NOS1AP: variants seen among roughly 807,000 people sequenced by gnomAD.
NOS1AP encodes the protein carboxyl-terminal PDZ ligand of neuronal nitric oxide synthase protein.
In NOS1AP, 21 loss-of-function variants were observed where a neutral mutation model predicts 56.2. The observed-to-expected ratio is 0.37, with a 90% CI of 0.26 to 0.54. The LOEUF is 0.54. Ranked by LOEUF, NOS1AP falls within the 20% of genes least tolerant of loss-of-function variation. NOS1AP has a pLI of 0.84. For synonymous variants in NOS1AP, 270 were observed against 274.6 expected (o/e 0.98, Z 0.17); for missense variants, 522 against 657.8 (o/e 0.79, Z 2.26).
At chr1:162,082,194 T>G (rs1478660076) in intron 1 of NOS1AP, among the ~76,000 whole-genome samples, 3 of 772 alleles carry the variant, frequency 3.9e-3, no homozygotes, top group Admixed American at 0.071. Context: ...CAGTATTTGT[T>G]TTTTTTTTGT....
chr1:162,084,892 T>G (rs1399367192), intron 1 of NOS1AP, among the ~76,000 whole-genome samples: 1 of 152,114 alleles, frequency 6.6e-6, no homozygotes, highest in African/African-American at 2.4e-5. Flanking sequence ...CTGGAACTCC[T>G]GGGCTCAAGT....
intron 5 of NOS1AP, 23 bp downstream of exon 5, chr1:162,333,148 T>C (rs751446494): frequency 6.6e-7 from 1 of 1,524,010 alleles, no homozygotes; most frequent in Non-Finnish European, 9.1e-7. Context: ...TTGCCGTCCA[T>C]CTGCTATTTT....
At chr1:162,143,019 A>G (rs1649302214) in intron 1 of NOS1AP, among the ~76,000 whole-genome samples, 1 of 152,122 alleles carries the variant, frequency 6.6e-6, no homozygotes, top group Non-Finnish European at 1.5e-5. Context: ...TGCAGACCCC[A>G]CATTCCCAAC....
At chr1:162,341,410 T>C (rs1481219193) in intron 5 of NOS1AP, among the ~76,000 whole-genome samples, 1 of 152,238 alleles carries the variant, frequency 6.6e-6, no homozygotes, top group Non-Finnish European at 1.5e-5. Context: ...TGCAGATATT[T>C]ATTCAGTATG....
intron 1 of NOS1AP, among the ~76,000 whole-genome samples, chr1:162,112,484 A>G (rs1444885212): frequency 6.6e-6 from 1 of 152,180 alleles, no homozygotes; most frequent in Non-Finnish European, 1.5e-5. Flanking sequence ...TTATCTCTAA[A>G]CAAGTTGAAG....
chr1:162,347,325 A>G (rs1657330730), intron 6 of NOS1AP, among the ~76,000 whole-genome samples: 1 of 152,230 alleles, frequency 6.6e-6, no homozygotes, highest in Admixed American at 6.5e-5. Context: ...CAGTATACAC[A>G]TGTACAAAGA....
At chr1:162,332,954 T>C in intron 4 of NOS1AP, 63 bp from the exon 5 acceptor site, 2 of 1,147,090 alleles carry the variant, frequency 1.7e-6, no homozygotes, top group Non-Finnish European at 2.7e-6. Flanking sequence ...AACAGAGCTT[T>C]CCTGGTTGGA....
intron 1 of NOS1AP, among the ~76,000 whole-genome samples, chr1:162,154,118 G>A (rs1388554820): frequency 6.6e-6 from 1 of 152,156 alleles, no homozygotes; most frequent in Non-Finnish European, 1.5e-5. Flanking sequence ...AGTAGTGGTG[G>A]AAGAGTCTTC....
At chr1:162,252,423 C>G (rs1319387953) in intron 2 of NOS1AP, among the ~76,000 whole-genome samples, 1 of 152,214 alleles carries the variant, frequency 6.6e-6, no homozygotes, top group South Asian at 2.1e-4. Flanking sequence ...CTTGGGCATG[C>G]ACAGTTATCT....
At chr1:162,175,208 A>G (rs557579341) in intron 2 of NOS1AP, among the ~76,000 whole-genome samples, 1 of 151,986 alleles carries the variant, frequency 6.6e-6, no homozygotes, top group Admixed American at 6.5e-5. Context: ...TACAGAGTGG[A>G]AAGTTTTGCT....
At chr1:162,093,768 G>C (rs1368669157) in intron 1 of NOS1AP, among the ~76,000 whole-genome samples, 1 of 152,068 alleles carries the variant, frequency 6.6e-6, no homozygotes, top group African/African-American at 2.4e-5. Flanking sequence ...GCCCAGGCTG[G>C]TCTTGAACTC....
intron 1 of NOS1AP, among the ~76,000 whole-genome samples, chr1:162,073,688 C>T (rs547353634): frequency 3.3e-5 from 5 of 152,198 alleles, no homozygotes; most frequent in Non-Finnish European, 7.3e-5. Context: ...CTCGAACTCC[C>T]GACTTCAGGT....
intron 1 of NOS1AP, among the ~76,000 whole-genome samples, chr1:162,081,888 G>A (rs1177052571): frequency 6.7e-6 from 1 of 150,354 alleles, no homozygotes; most frequent in Non-Finnish European, 1.5e-5. Flanking sequence ...ACAGGTGTGA[G>A]CCACTGTGCC....
chr1:162,323,980 G>A (rs1032915717), intron 4 of NOS1AP, among the ~76,000 whole-genome samples: 2 of 152,140 alleles, frequency 1.3e-5, no homozygotes, highest in African/African-American at 4.8e-5. Flanking sequence ...CTTGAAGGAA[G>A]GTATTTGCTG....
At chr1:162,129,999 C>T (rs60515729) in intron 1 of NOS1AP, among the ~76,000 whole-genome samples, 3,800 of 152,208 alleles carry the variant, frequency 0.025, 158 homozygotes, top group African/African-American at 0.086. Flanking sequence ...GGTTGAGTGT[C>T]GAATATAAAC....
At chr1:162,120,030 C>A (rs1648139825) in intron 1 of NOS1AP, among the ~76,000 whole-genome samples, 1 of 151,830 alleles carries the variant, frequency 6.6e-6, no homozygotes, top group Non-Finnish European at 1.5e-5. Context: ...GGTACAACCT[C>A]TTAGGAAAGC....
Position 162,070,063 on chromosome 1 carries a change from C to G in NOS1AP, c.-115C>G. 1.3e-6 allele frequency: 1 copy of G among 798,024 alleles called. No individual in the cohort carries two copies. The highest frequency in any genetic ancestry group is 3.1e-5 in the East Asian group (1 of 32,368). 49.4% of individuals were successfully genotyped at this position (798,024 alleles called of 1,614,324 possible). On this transcript the variant is annotated 5_prime_UTR_variant, in exon 1 of 10. Coordinates refer to ENST00000361897, the MANE Select transcript of NOS1AP (RefSeq NM_014697.3). Reference sequence around the variant, plus strand: ...CGGCCAGGGCTCCCCCTGCCCAGCGCTCCCAGGCCCCGCCACGCGTCGCCG... The same window carrying G: ...CGGCCAGGGCTCCCCCTGCCCAGCGGTCCCAGGCCCCGCCACGCGTCGCCG...
chr1:162,236,359 G>C (rs1653291433), intron 2 of NOS1AP, among the ~76,000 whole-genome samples: 1 of 152,188 alleles, frequency 6.6e-6, no homozygotes, highest in Admixed American at 6.5e-5. Flanking sequence ...ATGCTTTACA[G>C]ATACGATCTC....
chr1:162,181,505 T>A (rs1197657524), intron 2 of NOS1AP, among the ~76,000 whole-genome samples: 2 of 152,250 alleles, frequency 1.3e-5, no homozygotes, highest in Non-Finnish European at 2.9e-5. Flanking sequence ...CTTATTTGCA[T>A]AATTTTTACT....
Sources: allele counts gnomAD v4.1 joint callset (sites outside exome capture counted in the v4.1 genomes callset), GRCh38; gene constraint gnomAD v4.1.1; transcripts MANE v1.5; gene names NCBI Gene and HGNC (gene_info 2026-07-23, HGNC 2026-07-21).